The following ACER3 variants were observed in gnomAD, a reference collection of about 807,000 sequenced individuals.
ACER3 encodes alkCDase 3.
ACER3 carries 16 observed loss-of-function variants against 48.9 expected under a neutral mutation model. The ratio of observed to expected loss-of-function variants is 0.33; its 90% CI spans 0.22 to 0.50. The LOEUF is 0.50. ACER3 is among the 20% of genes least tolerant of loss of function. The probability of loss-of-function intolerance (pLI) is 0.98; values close to 1 mark genes in which losing one functional copy is unlikely to be tolerated. For missense variants in ACER3, 227 were observed against 326.0 expected, an observed-to-expected ratio of 0.70 and a Z score of 2.34; for synonymous variants, 109 against 107.8, an observed-to-expected ratio of 1.01 and a Z score of -0.07.
intron 1 of ACER3, among the ~76,000 whole-genome samples, chr11:76,919,843 T>G (rs1946640548): frequency 1.3e-5 from 2 of 152,190 alleles, no homozygotes; most frequent in Non-Finnish European, 2.9e-5. Flanking sequence ...TCTTAATTTC[T>G]TGGTTAGGGA....
At chr11:76,995,159 T>C (rs1431973719) in intron 6 of ACER3, among the ~76,000 whole-genome samples, 1 of 152,156 alleles carries the variant, frequency 6.6e-6, no homozygotes, top group Non-Finnish European at 1.5e-5. Flanking sequence ...AAGAAAAATA[T>C]GTTAGGTTGG....
chr11:76,938,803 C>A (rs935085175), intron 2 of ACER3, among the ~76,000 whole-genome samples: 3 of 152,048 alleles, frequency 2.0e-5, no homozygotes, highest in Non-Finnish European at 4.4e-5. Flanking sequence ...GGAGCAATGA[C>A]GGCTTAGTAG....
At chr11:76,965,147 G>C (rs1332360347) in intron 3 of ACER3, among the ~76,000 whole-genome samples, 1 of 151,338 alleles carries the variant, frequency 6.6e-6, no homozygotes, top group African/African-American at 2.5e-5. Context: ...CACGGCACGA[G>C]AACTACGTGA....
intron 1 of ACER3, among the ~76,000 whole-genome samples, chr11:76,916,692 A>G (rs76870922): frequency 6.6e-4 from 100 of 152,344 alleles, no homozygotes; most frequent in African/African-American, 2.4e-3. Flanking sequence ...TGTCATTTCA[A>G]TAATGCCTCT....
Position 77,020,815 on chromosome 11 carries a change from A to T in ACER3, c.*488A>T, listed in dbSNP as rs782572398. Reference sequence around the variant, plus strand: ...ATTTGATTAATATTGTATTAATCTCATGGATGGTTCTCAAAGGTAAAAAAA... The same window carrying T: ...ATTTGATTAATATTGTATTAATCTCTTGGATGGTTCTCAAAGGTAAAAAAA... On this transcript the variant is annotated 3_prime_UTR_variant, in exon 11 of 11. Coordinates refer to ENST00000532485, the MANE Select transcript of ACER3 (RefSeq NM_018367.7). 1.3e-5 allele frequency: 2 copies of T among 155,354 alleles called. No homozygotes were observed. Among genetic ancestry groups the T allele is most frequent in the Non-Finnish European group, 2.9e-5 (2 of 70,064 alleles). The allele number at this position is 155,354 out of a possible 1,614,324, so 9.6% of individuals were successfully genotyped here.
In ACER3 at chr11:76,861,040, G is replaced by C; in HGVS notation, c.64G>C (p.Glu22Gln). 6.5e-7 allele frequency: 1 copy of C among 1,548,508 alleles called. No individual in the cohort carries two copies. The highest frequency in any genetic ancestry group is 8.7e-7 in the Non-Finnish European group (1 of 1,146,518). ...GPTTSTLDWCEENYSVTWYIA... is the reference protein window; with the variant it reads ...GPTTSTLDWCQENYSVTWYIA... ...CACGACCTCCACGCTGGACTGGTGC[G>C]AGGAGAACTACTCCGTGACCTGGTA... is the stretch of plus-strand genomic sequence containing the variant. The change falls in exon 1 of 11, where the codon GAG becomes CAG. Residue 22 changes from glutamate (E) to glutamine (Q), a missense_variant. This residue lies in a region of ACER3 where 195 missense variants were observed against 290.8 expected (regional missense o/e 0.67). Transcript: ENST00000532485.
intron 1 of ACER3, among the ~76,000 whole-genome samples, chr11:76,908,925 A>G (rs1244003819): frequency 6.6e-6 from 1 of 152,186 alleles, no homozygotes; most frequent in African/African-American, 2.4e-5. Context: ...AAACAGATAT[A>G]TAGACCAATG....
At chr11:76,969,223 T>C (rs1948225434) in intron 3 of ACER3, among the ~76,000 whole-genome samples, 1 of 152,034 alleles carries the variant, frequency 6.6e-6, no homozygotes. Flanking sequence ...ATCAGAGAAA[T>C]GCAATTCAAA....
At chr11:76,905,718 A>G (rs1946212197) in intron 1 of ACER3, among the ~76,000 whole-genome samples, 1 of 152,250 alleles carries the variant, frequency 6.6e-6, no homozygotes, top group Non-Finnish European at 1.5e-5. Flanking sequence ...TGTGGTTTAT[A>G]TTTCTATGAT....
intron 2 of ACER3, among the ~76,000 whole-genome samples, chr11:76,939,275 G>A (rs1359975204): frequency 6.6e-6 from 1 of 152,200 alleles, no homozygotes; most frequent in Non-Finnish European, 1.5e-5. Flanking sequence ...CAACTTCACA[G>A]TATCTCCTCA....
At chr11:76,914,809 A>T (rs1404946220) in intron 1 of ACER3, among the ~76,000 whole-genome samples, 1 of 152,236 alleles carries the variant, frequency 6.6e-6, no homozygotes, top group Admixed American at 6.5e-5. Flanking sequence ...ATGTCCATCA[A>T]TGATAGAATG....
intron 4 of ACER3, among the ~76,000 whole-genome samples, chr11:76,978,876 C>T (rs978399199): frequency 3.3e-5 from 5 of 152,228 alleles, no homozygotes; most frequent in Admixed American, 6.5e-5. Context: ...CTGATCAAAC[C>T]GCAGGCTTAC....
At chr11:76,938,480 G>A (rs761325421) in intron 2 of ACER3, among the ~76,000 whole-genome samples, 7 of 151,800 alleles carry the variant, frequency 4.6e-5, no homozygotes, top group South Asian at 2.1e-4. Flanking sequence ...CACTACACCC[G>A]GCTTACTTAT....
At chr11:76,922,989 A>G (rs1030907023) in intron 1 of ACER3, among the ~76,000 whole-genome samples, 5 of 152,098 alleles carry the variant, frequency 3.3e-5, no homozygotes, top group African/African-American at 1.2e-4. Flanking sequence ...TCCCTCTCCT[A>G]AATGGTTTCT....
At chr11:76,959,805 C>T (rs933845819) in intron 3 of ACER3, among the ~76,000 whole-genome samples, 7 of 152,186 alleles carry the variant, frequency 4.6e-5, no homozygotes, top group African/African-American at 1.7e-4. Context: ...CCGCCTGCCT[C>T]AGCCTCCCAA....
rs183178571 is a variant in ACER3 at position 76,914,521 on chromosome 11, C to T, written c.104-12036C>T. ...TACCATCTCACACCAGTTAGAATGG[C>T]GATCATTAAAAAGTCAGGAAACAAC... On this transcript the variant is annotated intron_variant, in intron 1 of 10. Coordinates refer to ENST00000532485, the MANE Select transcript of ACER3 (RefSeq NM_018367.7). Among the ~76,000 whole-genome samples, 750 of 152,166 alleles carry T rather than the reference C, an allele frequency of 4.9e-3. 2 individuals are homozygous for T. The highest frequency in any genetic ancestry group is 8.2e-3 in the Non-Finnish European group (555 of 67,998).
intron 1 of ACER3, among the ~76,000 whole-genome samples, chr11:76,912,616 A>G (rs1946410066): frequency 6.6e-6 from 1 of 152,160 alleles, no homozygotes; most frequent in Non-Finnish European, 1.5e-5. Flanking sequence ...AAAAGGTTAT[A>G]GAACCCAGAT....
intron 1 of ACER3, among the ~76,000 whole-genome samples, chr11:76,876,089 C>T (rs1010857475): frequency 6.6e-6 from 1 of 152,126 alleles, no homozygotes; most frequent in African/African-American, 2.4e-5. Context: ...GCCACCACGC[C>T]CAGCCTGTAA....
At chr11:76,907,061 T>G (rs1222929250) in intron 1 of ACER3, among the ~76,000 whole-genome samples, 1 of 152,344 alleles carries the variant, frequency 6.6e-6, no homozygotes, top group Non-Finnish European at 1.5e-5. Context: ...TTAATTCACT[T>G]CTCTCACTGT....
Sources: gnomAD v4.1 joint callset for allele counts (sites outside exome capture counted in the v4.1 genomes callset) on GRCh38, gnomAD v4.1.1 for gene constraint, gnomAD v4.1.1 regional missense constraint, MANE v1.5 for transcripts, NCBI Gene and HGNC (gene_info 2026-07-23, HGNC 2026-07-21) for gene names.